The following ALKAL2 variants were observed in gnomAD, a reference collection of about 807,000 sequenced individuals.
ALKAL2 encodes AUG-alpha.
A neutral mutation model predicts 18.5 loss-of-function variants in ALKAL2; 8 were observed. That is an observed-to-expected ratio of 0.43 (90% CI 0.25 to 0.78). The LOEUF (loss-of-function observed/expected upper bound fraction) is 0.78. Ranked by LOEUF, ALKAL2 falls within the 30% of genes least tolerant of loss-of-function variation. The pLI, the probability that ALKAL2 is intolerant of heterozygous loss-of-function variation, is 0.22. For synonymous variants in ALKAL2, 135 were observed against 95.8 expected, an observed-to-expected ratio of 1.41 and a Z score of -2.39; for missense variants, 241 against 211.2, an observed-to-expected ratio of 1.14 and a Z score of -0.88.
At chr2:280,924 C>T (rs1338672941) in intron 5 of ALKAL2, among the ~76,000 whole-genome samples, 2 of 152,228 alleles carry the variant, frequency 1.3e-5, no homozygotes, top group African/African-American at 2.4e-5. Context: ...TCATGGTTTA[C>T]GGTCTTGCCC....
At position 286,336 on chromosome 2, in the gene ALKAL2, A is replaced by G. The variant is rs1255927650; in HGVS notation, c.261T>C (p.Val87=). The G allele has an allele frequency of 6.2e-7, 1 of 1,610,026 alleles. No individual in the cohort carries two copies. Among genetic ancestry groups the G allele is most frequent in the African/African-American group, 1.3e-5 (1 of 74,882 alleles). The change falls in exon 3 of 6, where the codon GTT becomes GTC. Residue 87 remains valine (V), a synonymous_variant. Transcript: ENST00000403610. ...TGTCCTTCATCCTCAGATCTCGAGG[A>G]ACAATTTCTGTTTCAGGGAAAAGAA... is the stretch of plus-strand genomic sequence containing the variant. ...GPSPEQRVEI[V]PRDLRMKDKF...
At chr2:285,966 T>C (rs1670494366) in intron 4 of ALKAL2, 157 bp downstream of exon 4, 1 of 614,056 alleles carries the variant, frequency 1.6e-6, no homozygotes, top group Admixed American at 3.2e-5. Context: ...AGTTATCTTC[T>C]GCAATGGTCT....
chr2:287,557 C>CCTCGGGCGCG, intron 2 of ALKAL2, 26 bp downstream of exon 2: 1 of 1,361,084 alleles, frequency 7.3e-7, no homozygotes, highest in Non-Finnish European at 9.4e-7. Context: ...CAGCCCCGGC[C>CCTCGGGCGCG]CTCGGGCGCG....
chr2:281,196 T>A (rs1312585022), intron 5 of ALKAL2, among the ~76,000 whole-genome samples: 1 of 152,242 alleles, frequency 6.6e-6, no homozygotes, highest in African/African-American at 2.4e-5. Flanking sequence ...TGTTGCTGTT[T>A]AAAACTTTTG....
At chr2:283,068 C>A (rs1426693520) in intron 5 of ALKAL2, 43 bp downstream of exon 5, 10 of 1,567,248 alleles carry the variant, frequency 6.4e-6, no homozygotes, top group Non-Finnish European at 8.7e-6. Context: ...AGCGGGATTC[C>A]CATCTTTGGT....
intron 4 of ALKAL2, among the ~76,000 whole-genome samples, chr2:284,817 G>C (rs1670454499): frequency 6.6e-6 from 1 of 152,118 alleles, no homozygotes; most frequent in African/African-American, 2.4e-5. Flanking sequence ...TCCTATTACT[G>C]TAAGGAAATA....
intron 4 of ALKAL2, among the ~76,000 whole-genome samples, chr2:285,254 A>G (rs1395306060): frequency 6.6e-6 from 1 of 152,220 alleles, no homozygotes; most frequent in Non-Finnish European, 1.5e-5. Context: ...TTTGCTGCCT[A>G]AACAAAGAAA....
intron 4 of ALKAL2, 58 bp downstream of exon 4, chr2:286,065 G>C: frequency 1.4e-6 from 2 of 1,466,432 alleles, no homozygotes; most frequent in Admixed American, 3.6e-5. Flanking sequence ...AATGGAAAGA[G>C]GGGAACCGCT....
chr2:287,542 C>T, intron 2 of ALKAL2, 41 bp downstream of exon 2: 1 of 1,325,596 alleles, frequency 7.5e-7, no homozygotes, highest in Non-Finnish European at 9.7e-7. Flanking sequence ...AATTCTATTT[C>T]CCAGCAGCCC....
At chr2:284,679 C>G (rs768294664) in intron 4 of ALKAL2, among the ~76,000 whole-genome samples, 1 of 152,180 alleles carries the variant, frequency 6.6e-6, no homozygotes, top group Non-Finnish European at 1.5e-5. Flanking sequence ...AAAAGGCCTG[C>G]AGAGTCAACC....
At position 286,296 on chromosome 2, in the gene ALKAL2, G is replaced by T; in HGVS notation, c.301C>A (p.Leu101Ile). 3 of 1,612,464 alleles carry T rather than the reference G, an allele frequency of 1.9e-6. No homozygotes were observed. The highest frequency in any genetic ancestry group is 2.5e-6 in the Non-Finnish European group (3 of 1,179,194). Residue 101 changes from leucine (L) to isoleucine (I), a missense_variant, in exon 3 of 6, where the codon CTT (leucine) becomes ATT (isoleucine). Leu to Ile is a conservative substitution (Grantham distance 5, BLOSUM62 2). Coordinates refer to ENST00000403610, the MANE Select transcript of ALKAL2 (RefSeq NM_001002919.3). ...GAACGAGGAGAAAACTTACCTGTAAGGTGTTTTAGAAACTTGTCCTTCATC... is the reference window on the plus strand; with the variant it reads ...GAACGAGGAGAAAACTTACCTGTAATGTGTTTTAGAAACTTGTCCTTCATC... Reference protein sequence around the residue: ...LRMKDKFLKHLTGPLYFSPKC... With the variant: ...LRMKDKFLKHITGPLYFSPKC...
At chr2:284,443 C>G (rs1330272876) in intron 4 of ALKAL2, among the ~76,000 whole-genome samples, 1 of 152,192 alleles carries the variant, frequency 6.6e-6, no homozygotes, top group Non-Finnish European at 1.5e-5. Context: ...TTCTTTTATA[C>G]AGCCTGACGC....
In ALKAL2 at chr2:287,803, C is replaced by A. The variant is rs1298173136; in HGVS notation, c.33G>T (p.Gly11=). ...CCGCCGCCCCCAGCACCAGCAGCAGCCCCAGGAGGAGGGGGTGCCCGGGTC... is the reference window on the plus strand; with the variant it reads ...CCGCCGCCCCCAGCACCAGCAGCAGACCCAGGAGGAGGGGGTGCCCGGGTC... MRGPGHPLLL[G]LLLVLGAAGR... is the part of the protein sequence containing the mutation. Residue 11 remains glycine, a synonymous_variant, in exon 2 of 6, where the codon GGG becomes GGT. Coordinates refer to ENST00000403610, the MANE Select transcript of ALKAL2 (RefSeq NM_001002919.3). The A allele has an allele frequency of 2.2e-6, 3 of 1,359,746 alleles. No individual in the cohort carries two copies. The highest frequency in any genetic ancestry group is 5.4e-4 in the Middle Eastern group (2 of 3,680). 84.2% of individuals were successfully genotyped at this position (1,359,746 alleles called of 1,614,324 possible). A position where few individuals can be genotyped will look rare whatever the true frequency, so the allele number is the denominator to read the frequency against.
chr2:280,269 A>T, intron 5 of ALKAL2, 117 bp from the exon 6 acceptor site: 1 of 1,115,934 alleles, frequency 9.0e-7, no homozygotes, highest in Non-Finnish European at 1.4e-6. Flanking sequence ...GCAGTCTCAG[A>T]GTGCATCTGT....
chr2:283,231 A>AT (rs3841092), intron 4 of ALKAL2, 56 bp from the exon 5 acceptor site: 1,387,917 of 1,543,110 alleles, frequency 0.9, 624,721 homozygotes, highest in African/African-American at 0.97. Flanking sequence ...AATAAATCGC[A>AT]TTTTTTTGCA....
chr2:283,070 A>G (rs1429352571), intron 5 of ALKAL2, 41 bp downstream of exon 5: 18 of 1,571,400 alleles, frequency 1.1e-5, no homozygotes, highest in Non-Finnish European at 1.6e-5. Flanking sequence ...CGGGATTCCC[A>G]TCTTTGGTAT....
chr2:286,686 G>C (rs544094898), intron 2 of ALKAL2: 26 of 192,440 alleles, frequency 1.4e-4, no homozygotes, highest in Non-Finnish European at 2.3e-4. Flanking sequence ...GTCACTTTTA[G>C]GCACTTTAGT....
intron 5 of ALKAL2, among the ~76,000 whole-genome samples, chr2:281,707 C>T (rs1266218668): frequency 6.6e-6 from 1 of 151,978 alleles, no homozygotes; most frequent in African/African-American, 2.4e-5. Context: ...AATTTGCTCT[C>T]CTCACTTGTA....
At chr2:283,318 G>A in intron 4 of ALKAL2, 143 bp from the exon 5 acceptor site, 1 of 1,440,238 alleles carries the variant, frequency 6.9e-7, no homozygotes, top group Non-Finnish European at 9.1e-7. Flanking sequence ...CTAATCTGCA[G>A]GCATGCATTC....
Sources: allele counts gnomAD v4.1 joint callset (sites outside exome capture counted in the v4.1 genomes callset), GRCh38; gene constraint gnomAD v4.1.1; transcripts MANE v1.5; gene names NCBI Gene and HGNC (gene_info 2026-07-23, HGNC 2026-07-21).